The following RUNX2 variants were observed in gnomAD, a reference collection of about 807,000 sequenced individuals.
RUNX2 encodes runt-related transcription factor 2.
In RUNX2, 10 loss-of-function variants were observed where a neutral mutation model predicts 51.7. That is an observed-to-expected ratio of 0.19 (90% CI 0.12 to 0.33). RUNX2 has a LOEUF of 0.33. Among genes scored for constraint, RUNX2 ranks in the 10% least tolerant of loss-of-function variants. The probability of loss-of-function intolerance (pLI) is 1.00; values close to 1 mark genes in which losing one functional copy is unlikely to be tolerated. For missense variants in RUNX2, 562 were observed against 691.3 expected (o/e 0.81, Z 2.10); for synonymous variants, 276 against 273.6 (o/e 1.01, Z -0.09).
intron 5 of RUNX2, 118 bp from the exon 6 acceptor site, chr6:45,491,823 T>A: frequency 9.6e-7 from 1 of 1,043,388 alleles, no homozygotes; most frequent in Non-Finnish European, 1.5e-6. Context: ...TCATTATAAA[T>A]ATTAATATTG....
At chr6:45,358,659 C>T (rs531308605) in intron 2 of RUNX2, among the ~76,000 whole-genome samples, 1 of 152,240 alleles carries the variant, frequency 6.6e-6, no homozygotes, top group South Asian at 2.1e-4. Flanking sequence ...CGTACTAACC[C>T]TGTGAGGTAG....
At position 45,358,323 on chromosome 6, in the gene RUNX2, T is replaced by A. The variant is rs543446429; in HGVS notation, c.58+29539T>A. On this transcript the variant is annotated intron_variant, in intron 2 of 8. Coordinates refer to ENST00000647337, the MANE Select transcript of RUNX2 (RefSeq NM_001024630.4). ...AAAATCTACAATTCAGTTGCTCAGCTGCCTGGCTTATTTAATATACTCAAT... is the reference window on the plus strand; with the variant it reads ...AAAATCTACAATTCAGTTGCTCAGCAGCCTGGCTTATTTAATATACTCAAT... Among the ~76,000 whole-genome samples, 100 of 152,328 alleles carry A rather than the reference T, an allele frequency of 6.6e-4. 1 individual carries two copies. Among genetic ancestry groups the A allele is most frequent in the African/African-American group, 2.4e-3 (99 of 41,588 alleles).
intron 3 of RUNX2, among the ~76,000 whole-genome samples, chr6:45,427,656 G>T (rs538044070): frequency 1.3e-5 from 2 of 151,918 alleles, no homozygotes; most frequent in African/African-American, 4.8e-5. Flanking sequence ...CAATTATACC[G>T]CAAGTACAAT....
At chr6:45,493,810 T>A (rs1800560443) in intron 6 of RUNX2, among the ~76,000 whole-genome samples, 2 of 152,008 alleles carry the variant, frequency 1.3e-5, no homozygotes, top group South Asian at 4.2e-4. Flanking sequence ...TTATATATGA[T>A]TTGTAATGGA....
chr6:45,492,149 G>A (rs1800499862), intron 6 of RUNX2, 35 bp downstream of exon 6: 13 of 1,608,028 alleles, frequency 8.1e-6, no homozygotes, highest in South Asian at 1.1e-5. Flanking sequence ...TTGCATAGAC[G>A]CTGGCAGGCT....
At chr6:45,540,798 G>T (rs1014252853) in intron 7 of RUNX2, among the ~76,000 whole-genome samples, 7 of 125,794 alleles carry the variant, frequency 5.6e-5, no homozygotes, top group Non-Finnish European at 8.9e-5. Context: ...TCCCTAGTGT[G>T]GATCTACACC....
At chr6:45,430,124 C>G (rs1798498142) in intron 3 of RUNX2, among the ~76,000 whole-genome samples, 1 of 151,890 alleles carries the variant, frequency 6.6e-6, no homozygotes, top group African/African-American at 2.4e-5. Flanking sequence ...AAAACACTTA[C>G]CATGTGCTGG....
intron 5 of RUNX2, among the ~76,000 whole-genome samples, chr6:45,478,638 ATG>A (rs35909968): frequency 0.26 from 38,231 of 149,012 alleles, 5,204 homozygotes; most frequent in Non-Finnish European, 0.32. Context: ...TTGTGTGTAA[ATG>A]TGTGTGTGTG....
At chr6:45,476,645 C>A (rs1301207793) in intron 5 of RUNX2, among the ~76,000 whole-genome samples, 1 of 152,138 alleles carries the variant, frequency 6.6e-6, no homozygotes, top group Non-Finnish European at 1.5e-5. Flanking sequence ...TAAGATTGAA[C>A]TCAGAAGACA....
intron 7 of RUNX2, among the ~76,000 whole-genome samples, chr6:45,529,291 A>G (rs1801770402): frequency 1.3e-5 from 2 of 152,142 alleles, no homozygotes; most frequent in Non-Finnish European, 2.9e-5. Context: ...AGGAAAGGAG[A>G]GTAGTAAAAT....
chr6:45,518,230 G>A (rs559186680), intron 7 of RUNX2, among the ~76,000 whole-genome samples: 12 of 152,220 alleles, frequency 7.9e-5, no homozygotes, highest in Admixed American at 3.3e-4. Flanking sequence ...GAAGTTCTCC[G>A]TTTAAAGCCA....
At chr6:45,410,983 T>C (rs1056837969) in intron 2 of RUNX2, among the ~76,000 whole-genome samples, 1 of 152,162 alleles carries the variant, frequency 6.6e-6, no homozygotes, top group South Asian at 2.1e-4. Context: ...CCCAATCTTT[T>C]AGGATGTGCA....
chr6:45,484,346 A>C (rs1010766495), intron 5 of RUNX2, among the ~76,000 whole-genome samples: 7 of 152,148 alleles, frequency 4.6e-5, no homozygotes, highest in Admixed American at 6.6e-5. Context: ...AGGAAATCAG[A>C]AGAGAAGCTG....
intron 2 of RUNX2, among the ~76,000 whole-genome samples, chr6:45,351,462 A>G (rs1388803485): frequency 6.6e-6 from 1 of 152,182 alleles, no homozygotes; most frequent in African/African-American, 2.4e-5. Context: ...ACATAGTAAA[A>G]TGAGGACTTA....
At chr6:45,349,010 G>C (rs1409200595) in intron 2 of RUNX2, among the ~76,000 whole-genome samples, 1 of 152,092 alleles carries the variant, frequency 6.6e-6, no homozygotes, top group Non-Finnish European at 1.5e-5. Context: ...TTGAATAAAT[G>C]AATTTATGAG....
intron 4 of RUNX2, among the ~76,000 whole-genome samples, chr6:45,434,485 A>C (rs1798627225): frequency 6.6e-6 from 1 of 152,134 alleles, no homozygotes; most frequent in African/African-American, 2.4e-5. Flanking sequence ...AAACTCTCAG[A>C]AACTGAAAAA....
chr6:45,364,577 C>T (rs1794815837), intron 2 of RUNX2, among the ~76,000 whole-genome samples: 1 of 152,162 alleles, frequency 6.6e-6, no homozygotes, highest in African/African-American at 2.4e-5. Context: ...AATAAATATG[C>T]TACCTCTTAT....
At chr6:45,420,907 C>G (rs1186598092) in intron 2 of RUNX2, among the ~76,000 whole-genome samples, 1 of 152,178 alleles carries the variant, frequency 6.6e-6, no homozygotes, top group Non-Finnish European at 1.5e-5. Context: ...ATATAAACCA[C>G]AAAAACCTAA....
chr6:45,339,397 A>G (rs546226849), intron 2 of RUNX2, among the ~76,000 whole-genome samples: 11 of 152,316 alleles, frequency 7.2e-5, no homozygotes, highest in African/African-American at 2.6e-4. Flanking sequence ...TACTCCTAGA[A>G]ATAAGCTAAA....
Sources: gnomAD v4.1 joint callset for allele counts (sites outside exome capture counted in the v4.1 genomes callset) on GRCh38, gnomAD v4.1.1 for gene constraint, MANE v1.5 for transcripts, NCBI Gene and HGNC (gene_info 2026-07-23, HGNC 2026-07-21) for gene names.